Variants in RORA observed in about 807,000 individuals in gnomAD.
RORA encodes RAR related orphan receptor A, also known as nuclear receptor ROR-alpha.
In RORA, 7 loss-of-function variants were observed where a neutral mutation model predicts 69.5. The ratio of observed to expected loss-of-function variants is 0.10; its 90% confidence interval spans 0.06 to 0.19. The LOEUF (loss-of-function observed/expected upper bound fraction) is 0.19, where lower values mean the gene tolerates loss of function less well. Among genes scored for constraint, RORA ranks in the 10% least tolerant of loss-of-function variants. The pLI, the probability that RORA is intolerant of heterozygous loss-of-function variation, is 1.00. For synonymous variants in RORA, 261 were observed against 240.8 expected, an observed-to-expected ratio of 1.08 and a Z score of -0.78; for missense variants, 457 against 663.0, an observed-to-expected ratio of 0.69 and a Z score of 3.41.
rs1286003984 is a variant in RORA at position 61,131,691 on chromosome 15, G to A, written c.166+97362C>T. Among the ~76,000 whole-genome samples, 1 of 152,226 alleles carries A rather than the reference G, an allele frequency of 6.6e-6. No homozygotes were observed. The highest frequency in any genetic ancestry group is 2.4e-5 in the African/African-American group (1 of 41,454). ...CATTTAATATGAAATGAAAGGCAATGTGCCAACATCGGAGCTCAATTTGGT... is the reference window on the plus strand; with the variant it reads ...CATTTAATATGAAATGAAAGGCAATATGCCAACATCGGAGCTCAATTTGGT... On this transcript the variant is annotated intron_variant, in intron 1 of 10. Coordinates refer to ENST00000335670, the MANE Select transcript of RORA (RefSeq NM_134261.3). The surrounding 1 kb of genome is among the most constrained non-coding windows in gnomAD (Gnocchi z 4.2).
intron 1 of RORA, among the ~76,000 whole-genome samples, chr15:60,755,941 C>A (rs1335351579): frequency 6.6e-6 from 1 of 152,158 alleles, no homozygotes; most frequent in African/African-American, 2.4e-5. Context: ...TGAATATCTG[C>A]AAAGTGTCTG....
rs2065052704 is a variant in RORA at position 60,492,172 on chromosome 15, C to G, written c.*5283G>C. On this transcript the variant is annotated 3_prime_UTR_variant, in exon 11 of 11. Transcript: ENST00000335670. ...GGAAGTTTTCCCAGATTATGTTCCT[C>G]TATCATAGTAAGAAAATATATAAAT... 6.6e-6 allele frequency: 1 copy of G among 152,114 alleles called. No individual in the cohort carries two copies. The highest frequency in any genetic ancestry group is 6.5e-5 in the Admixed American group (1 of 15,274). The allele number at this position is 152,114 out of a possible 1,614,324, so 9.4% of individuals were successfully genotyped here.
intron 1 of RORA, among the ~76,000 whole-genome samples, chr15:60,837,412 A>G (rs555917031): frequency 1.2e-4 from 19 of 152,206 alleles, no homozygotes; most frequent in Non-Finnish European, 2.6e-4. Flanking sequence ...AATAATTACG[A>G]AGCAAGAAGG....
intron 1 of RORA, among the ~76,000 whole-genome samples, chr15:60,724,953 T>C (rs972470447): frequency 6.6e-6 from 1 of 152,232 alleles, no homozygotes. Flanking sequence ...CATCTGCCTA[T>C]GTTTGGTGAG....
intron 1 of RORA, among the ~76,000 whole-genome samples, chr15:60,719,233 C>T (rs1001291997): frequency 2.0e-5 from 3 of 151,714 alleles, no homozygotes; most frequent in African/African-American, 4.8e-5. Flanking sequence ...AAAATATATA[C>T]AGTGAAGTAT....
chr15:61,091,663 T>C (rs1172723560), intron 1 of RORA, among the ~76,000 whole-genome samples: 1 of 152,224 alleles, frequency 6.6e-6, no homozygotes, highest in Non-Finnish European at 1.5e-5. Context: ...TGATGCTCTT[T>C]ATTTATCCAC....
chr15:61,016,239 TAGATG>T (rs1377055719), intron 1 of RORA, among the ~76,000 whole-genome samples: 2 of 152,170 alleles, frequency 1.3e-5, no homozygotes, highest in Non-Finnish European at 2.9e-5. Context: ...TGAGGGAATT[TAGATG>T]AGATAATACA....
At chr15:60,561,942 A>AT (rs988409605) in intron 2 of RORA, among the ~76,000 whole-genome samples, 4 of 151,464 alleles carry the variant, frequency 2.6e-5, no homozygotes, top group African/African-American at 7.3e-5. Flanking sequence ...AAAAAAAAAA[A>AT]TTTTTTTTCT....
chr15:60,500,035 T>A, intron 9 of RORA, 31 bp from the exon 10 acceptor site: 1 of 1,340,564 alleles, frequency 7.5e-7, no homozygotes, highest in South Asian at 1.2e-5. Flanking sequence ...TTCTTTAGCA[T>A]TCCTCTGACA....
intron 1 of RORA, among the ~76,000 whole-genome samples, chr15:61,055,849 T>C (rs1028445245): frequency 3.3e-5 from 5 of 152,240 alleles, no homozygotes; most frequent in Admixed American, 2.6e-4. Context: ...GTCATGACAC[T>C]CTTCCTCAGT....
chr15:61,181,922 A>G (rs921699934), intron 1 of RORA, among the ~76,000 whole-genome samples: 4 of 152,202 alleles, frequency 2.6e-5, no homozygotes, highest in African/African-American at 9.6e-5. Flanking sequence ...TTGAACATAA[A>G]GAGCTTGTCC....
At chr15:61,071,644 AGGGGAGG>A (rs2078365068) in intron 1 of RORA, among the ~76,000 whole-genome samples, 1 of 10,980 alleles carries the variant, frequency 9.1e-5, no homozygotes, top group Non-Finnish European at 1.6e-4. Flanking sequence ...GGGAGGGGAG[AGGGGAGG>A]GGTGGGGAGG....
At chr15:61,005,055 T>C (rs1894870882) in intron 1 of RORA, among the ~76,000 whole-genome samples, 2 of 152,226 alleles carry the variant, frequency 1.3e-5, no homozygotes, top group African/African-American at 2.4e-5. Context: ...TAGCAGCGTA[T>C]TGTATCAGAC....
At chr15:61,077,654 G>T (rs2078472854) in intron 1 of RORA, among the ~76,000 whole-genome samples, 1 of 152,136 alleles carries the variant, frequency 6.6e-6, no homozygotes, top group South Asian at 2.1e-4. Context: ...ACCTAAGAAA[G>T]ATGCAGGCTT....
At chr15:60,726,540 A>G (rs2071359334) in intron 1 of RORA, among the ~76,000 whole-genome samples, 1 of 152,202 alleles carries the variant, frequency 6.6e-6, no homozygotes, top group African/African-American at 2.4e-5. Flanking sequence ...AGCAGGACTC[A>G]TTTCCCTTTC....
At chr15:61,187,943 C>A (rs1353675709) in intron 1 of RORA, among the ~76,000 whole-genome samples, 2 of 152,136 alleles carry the variant, frequency 1.3e-5, no homozygotes, top group African/African-American at 2.4e-5. Flanking sequence ...CATCCTCTCC[C>A]TCAACCCTCC....
At chr15:61,001,576 T>C (rs1251831055) in intron 1 of RORA, among the ~76,000 whole-genome samples, 1 of 152,116 alleles carries the variant, frequency 6.6e-6, no homozygotes, top group Non-Finnish European at 1.5e-5. Flanking sequence ...CAAGGCCACA[T>C]GGGTAGATTG....
intron 2 of RORA, among the ~76,000 whole-genome samples, chr15:60,575,743 CTT>C (rs1567098841): frequency 6.6e-6 from 1 of 152,088 alleles, no homozygotes; most frequent in African/African-American, 2.4e-5. Flanking sequence ...TAATGCAAAA[CTT>C]AGCTTATAAA....
intron 2 of RORA, among the ~76,000 whole-genome samples, chr15:60,620,511 C>G (rs887463877): frequency 1.3e-5 from 2 of 152,054 alleles, no homozygotes; most frequent in African/African-American, 4.8e-5. Flanking sequence ...TGGTAATGTC[C>G]AAATCTAGGG....
Sources: gnomAD v4.1 joint callset for allele counts (sites outside exome capture counted in the v4.1 genomes callset) on GRCh38, gnomAD v4.1.1 for gene constraint, Gnocchi (gnomAD v3.1) non-coding constraint, MANE v1.5 for transcripts, NCBI Gene and HGNC (gene_info 2026-07-23, HGNC 2026-07-21) for gene names.